Variants in MPP7 observed in about 807,000 individuals in gnomAD.
The protein encoded by MPP7 is MAGUK p55 subfamily member 7.
A neutral mutation model predicts 76.5 loss-of-function variants in MPP7; 60 were observed. That is an observed-to-expected ratio of 0.78 (90% CI 0.64 to 0.97). The LOEUF is 0.97. Ranked by LOEUF, MPP7 falls within the 50% of genes least tolerant of loss-of-function variation. The pLI is 0.00. For synonymous variants in MPP7, 237 were observed against 244.5 expected (o/e 0.97, Z 0.29); for missense variants, 641 against 694.0 (o/e 0.92, Z 0.86).
chr10:28,066,102 C>T (rs560670539), intron 13 of MPP7, among the ~76,000 whole-genome samples: 23 of 152,212 alleles, frequency 1.5e-4, no homozygotes, highest in South Asian at 1.0e-3. Context: ...CATGTTGGCT[C>T]ACAACTATAA....
chr10:28,321,164 G>C (rs533625059), intron 2 of MPP7, among the ~76,000 whole-genome samples: 43 of 152,222 alleles, frequency 2.8e-4, no homozygotes, highest in African/African-American at 9.2e-4. Flanking sequence ...TATATATGTA[G>C]TTTCCTCTCC....
At chr10:28,244,409 A>G (rs1465396795) in intron 1 of MPP7, among the ~76,000 whole-genome samples, 1 of 152,194 alleles carries the variant, frequency 6.6e-6, no homozygotes, top group Non-Finnish European at 1.5e-5. Context: ...CACTATACAT[A>G]AAGAATTTAA....
chr10:28,220,664 GGAAGTATT>G (rs1236199621), intron 2 of MPP7, among the ~76,000 whole-genome samples: 1 of 152,164 alleles, frequency 6.6e-6, no homozygotes, highest in Non-Finnish European at 1.5e-5. Context: ...ACCTTGATCA[GGAAGTATT>G]GGTCATGGCA....
chr10:28,115,383 G>A (rs12251727), intron 11 of MPP7, among the ~76,000 whole-genome samples: 12,667 of 152,168 alleles, frequency 0.083, 746 homozygotes, highest in East Asian at 0.3. Flanking sequence ...GATTACAGGC[G>A]TGAGCCGCTG....
intron 2 of MPP7, 143 bp downstream of exon 2, chr10:28,238,425 C>T: frequency 1.2e-6 from 1 of 811,842 alleles, no homozygotes; most frequent in Non-Finnish European, 2.0e-6. Flanking sequence ...GGAGGGCATC[C>T]CTGAGTTGAT....
chr10:28,236,555 A>G (rs1211544218), intron 2 of MPP7: 1 of 152,180 alleles, frequency 6.6e-6, no homozygotes, highest in Non-Finnish European at 1.5e-5. Context: ...CTTACAGGCT[A>G]CTTATCAAAC....
intron 2 of MPP7, among the ~76,000 whole-genome samples, chr10:28,214,851 G>A (rs947937989): frequency 2.6e-5 from 4 of 152,146 alleles, no homozygotes; most frequent in Admixed American, 1.3e-4. Context: ...TACAAGATTA[G>A]AAAGTACAGT....
At position 28,257,581 on chromosome 10, in the gene MPP7, TCTGGGGA is replaced by T. The variant is rs1202751439; in HGVS notation, c.-131-18853_-131-18847del. Among the ~76,000 whole-genome samples, 6 of 110,270 alleles carry T rather than the reference TCTGGGGA, an allele frequency of 5.4e-5. No individual in the cohort carries two copies. The South Asian group carries it at 1.2e-3, about 22-fold the overall frequency. 72.3% of individuals were successfully genotyped at this position (110,270 alleles called of 152,430 possible). ...GGACACAGGAAGGGGAATATCACAC[TCTGGGGA>T]CTGTGGTGGGGTGGGGGGAGGGGGG... On this transcript the variant is annotated intron_variant, in intron 1 of 16. Coordinates refer to ENST00000683449, the MANE Select transcript of MPP7 (RefSeq NM_001318170.2).
chr10:28,279,191 C>T (rs1399819666), intron 1 of MPP7, among the ~76,000 whole-genome samples: 1 of 152,034 alleles, frequency 6.6e-6, no homozygotes, highest in East Asian at 1.9e-4. Context: ...GGCACTAAGG[C>T]TCAGTATCTC....
intron 13 of MPP7, among the ~76,000 whole-genome samples, chr10:28,067,116 C>T (rs1199336257): frequency 6.6e-6 from 1 of 152,162 alleles, no homozygotes; most frequent in East Asian, 1.9e-4. Context: ...GTGGATACTG[C>T]TACTTAGTTT....
At position 28,143,775 on chromosome 10, in the gene MPP7, A is replaced by G. The variant is rs931673100; in HGVS notation, c.315+3708T>C. On this transcript the variant is annotated intron_variant, in intron 5 of 16. Coordinates refer to ENST00000683449, the MANE Select transcript of MPP7 (RefSeq NM_001318170.2). ...ATTTGTTATTCCAAGACCACGTATT[A>G]CAATTGTCCCTCAAGCTGCCCATCC... Among the ~76,000 whole-genome samples, 58 of 141,386 alleles carry G rather than the reference A, an allele frequency of 4.1e-4. 1 individual carries two copies. The highest frequency in any genetic ancestry group is 1.4e-3 in the African/African-American group (57 of 40,422). The allele number at this position is 141,386 out of a possible 152,430, so 92.8% of individuals were successfully genotyped here. A position where few individuals can be genotyped will look rare whatever the true frequency, so the allele number is the denominator to read the frequency against.
intron 2 of MPP7, among the ~76,000 whole-genome samples, chr10:28,234,086 A>C (rs1436934118): frequency 1.3e-5 from 2 of 152,188 alleles, no homozygotes; most frequent in Non-Finnish European, 2.9e-5. Flanking sequence ...CATCCCAACA[A>C]AAGGAACTAG....
At chr10:28,138,702 A>G (rs1295645045) in intron 5 of MPP7, among the ~76,000 whole-genome samples, 1 of 152,240 alleles carries the variant, frequency 6.6e-6, no homozygotes, top group Non-Finnish European at 1.5e-5. Context: ...TCTTCTGAAC[A>G]CAGCAAGAGA....
intron 11 of MPP7, among the ~76,000 whole-genome samples, chr10:28,099,689 C>T (rs922207397): frequency 7.2e-5 from 11 of 152,132 alleles, no homozygotes; most frequent in Non-Finnish European, 1.3e-4. Flanking sequence ...TGCCTGTAAT[C>T]CCAGCTACTC....
intron 16 of MPP7, among the ~76,000 whole-genome samples, 186 bp downstream of exon 16, chr10:28,056,294 A>C (rs1253153966): frequency 6.6e-6 from 1 of 152,120 alleles, no homozygotes; most frequent in Non-Finnish European, 1.5e-5. Flanking sequence ...AGTAGCTGGG[A>C]CTACAGGTGT....
At chr10:28,303,172 T>C (rs1040926186), upstream of MPP7, 3 of 141,060 alleles carry the variant, frequency 2.1e-5, no homozygotes, top group African/African-American at 8.2e-5. Context: ...GCGATAGGCG[T>C]CTCAGACTTG....
chr10:28,119,134 T>C, intron 11 of MPP7: 1 of 877,218 alleles, frequency 1.1e-6, no homozygotes, highest in Non-Finnish European at 1.4e-6. Context: ...TCCTTTGTCT[T>C]TCTCTCATTT....
At chr10:28,247,400 C>T (rs571550171) in intron 1 of MPP7, among the ~76,000 whole-genome samples, 1 of 152,100 alleles carries the variant, frequency 6.6e-6, no homozygotes, top group African/African-American at 2.4e-5. Context: ...AAGGACAGCA[C>T]TAAAAAGTTA....
intron 8 of MPP7, among the ~76,000 whole-genome samples, chr10:28,123,464 T>G (rs1478633067): frequency 1.1e-5 from 1 of 90,686 alleles, no homozygotes. Flanking sequence ...ACTAAATTCT[T>G]TTTTTTTTTT....
Sources: allele counts gnomAD v4.1 joint callset (sites outside exome capture counted in the v4.1 genomes callset), GRCh38; gene constraint gnomAD v4.1.1; transcripts MANE v1.5; gene names NCBI Gene and HGNC (gene_info 2026-07-23, HGNC 2026-07-21).